Variants in UBP1 observed in about 807,000 individuals in gnomAD.
UBP1 encodes the protein upstream-binding protein 1.
Under a neutral mutation model 76.1 loss-of-function variants are expected in UBP1, and 22 were observed. That is an observed-to-expected ratio of 0.29 (90% CI 0.21 to 0.41). The LOEUF (loss-of-function observed/expected upper bound fraction) is 0.41. Among genes scored for constraint, UBP1 ranks in the 10% least tolerant of loss-of-function variants. The pLI is 1.00. For synonymous variants in UBP1, 224 were observed against 237.1 expected, an observed-to-expected ratio of 0.94 and a Z score of 0.51; for missense variants, 436 against 668.1, an observed-to-expected ratio of 0.65 and a Z score of 3.83.
At position 33,438,917 on chromosome 3, in the gene UBP1, C is replaced by G. The variant is rs138029084; in HGVS notation, c.113+819G>C. On this transcript the variant is annotated intron_variant, in intron 1 of 15. Coordinates refer to ENST00000283629, the MANE Select transcript of UBP1 (RefSeq NM_014517.5). ...TCACATTATTGAAAAGCTGCCAAACCACTGATTTTTAGACTTTATTAGTCA... is the reference window on the plus strand; with the variant it reads ...TCACATTATTGAAAAGCTGCCAAACGACTGATTTTTAGACTTTATTAGTCA... Among the ~76,000 whole-genome samples, 63 of 152,284 alleles carry G rather than the reference C, an allele frequency of 4.1e-4. No individual in the cohort carries two copies. In the East Asian group the frequency reaches 8.5e-3, roughly 21 times the overall value.
Position 33,390,051 on chromosome 3 carries a change from C to A in UBP1, c.*280G>T. 2.5e-6 allele frequency: 1 copy of A among 406,038 alleles called. No individual in the cohort carries two copies. Among genetic ancestry groups the A allele is most frequent in the Non-Finnish European group, 4.4e-6 (1 of 225,918 alleles). The allele number at this position is 406,038 out of a possible 1,614,324, so 25.2% of individuals were successfully genotyped here. On this transcript the variant is annotated 3_prime_UTR_variant, in exon 16 of 16. Transcript: ENST00000283629. ...AGGCTGCTTCTAGGAACTGTATTTACTGGCCTCTGCCAGAGCAGCAGGCAG... is the reference window on the plus strand; with the variant it reads ...AGGCTGCTTCTAGGAACTGTATTTAATGGCCTCTGCCAGAGCAGCAGGCAG...
intron 3 of UBP1, among the ~76,000 whole-genome samples, chr3:33,416,264 G>A (rs1272769306): frequency 6.6e-6 from 1 of 152,148 alleles, no homozygotes; most frequent in African/African-American, 2.4e-5. Flanking sequence ...GGCTAGGAGG[G>A]GCCAGGGGGC....
chr3:33,421,766 C>T (rs984438544), intron 2 of UBP1, among the ~76,000 whole-genome samples: 9 of 152,142 alleles, frequency 5.9e-5, no homozygotes, highest in Admixed American at 2.0e-4. Flanking sequence ...ATGACCATTT[C>T]GGCTGGGAGT....
At chr3:33,440,964 G>A (rs1049643662), upstream of UBP1, 2 of 152,218 alleles carry the variant, frequency 1.3e-5, no homozygotes, top group Admixed American at 1.3e-4. Flanking sequence ...ACCTTGATTG[G>A]CGTGAGAATA....
intron 2 of UBP1, among the ~76,000 whole-genome samples, chr3:33,423,387 A>G (rs1205677449): frequency 6.6e-6 from 1 of 152,242 alleles, no homozygotes; most frequent in Non-Finnish European, 1.5e-5. Flanking sequence ...ACATGTCTAC[A>G]TATACAGTTC....
intron 14 of UBP1, 30 bp from the exon 15 acceptor site, chr3:33,392,644 A>G (rs1310401908): frequency 6.4e-7 from 1 of 1,573,424 alleles, no homozygotes; most frequent in Non-Finnish European, 8.7e-7. Context: ...GCGTAAGTAC[A>G]ATTAAGATCC....
chr3:33,407,826 G>C (rs935668438), intron 8 of UBP1, among the ~76,000 whole-genome samples: 2 of 152,204 alleles, frequency 1.3e-5, no homozygotes, highest in Non-Finnish European at 2.9e-5. Flanking sequence ...GAATACATAT[G>C]ATGACAATTA....
rs2044199424 is a variant in UBP1 at position 33,400,837 on chromosome 3, G to GC, written c.1086+124_1086+125insG. Reference sequence around the variant, plus strand: ...ATGGACACCCAAAATATCCTGACTCGATTACCACACATTACCATACATGTA... The same window carrying GC: ...ATGGACACCCAAAATATCCTGACTCGCATTACCACACATTACCATACATGTA... On this transcript the variant is annotated intron_variant, in intron 10 of 15. Transcript: ENST00000283629. 9 of 900,030 alleles carry GC rather than the reference G, an allele frequency of 1.0e-5. No individual in the cohort carries two copies. In the South Asian group the frequency reaches 1.3e-4, roughly 13 times the overall value. 55.8% of individuals were successfully genotyped at this position (900,030 alleles called of 1,614,324 possible).
At chr3:33,395,591 G>C (rs1236157389) in intron 13 of UBP1, among the ~76,000 whole-genome samples, 1 of 151,824 alleles carries the variant, frequency 6.6e-6, no homozygotes, top group Non-Finnish European at 1.5e-5. Context: ...ATTATTTACA[G>C]TGACATAAAA....
rs1403781502 is a variant in UBP1 at position 33,396,218 on chromosome 3, T to C, written c.1334A>G (p.Gln445Arg). The change falls in exon 13 of 16, where the codon CAA (glutamine) becomes CGA (arginine). Residue 445 changes from glutamine (Q) to arginine (R), a missense_variant. By Grantham distance (43) the Gln-to-Arg change is conservative. Transcript: ENST00000283629. ...ACTGCTTGCAGCTTGCTGCTGCCCT[T>C]GCAGCACTGTGCTGCTTGGCTGCTC... ...CREQPSSTVLQGQQQAASSAS... is the reference protein window; with the variant it reads ...CREQPSSTVLRGQQQAASSAS... 1.1e-5 allele frequency: 18 copies of C among 1,595,494 alleles called. No homozygotes were observed. Among genetic ancestry groups the C allele is most frequent in the Non-Finnish European group, 1.4e-5 (16 of 1,165,114 alleles).
At chr3:33,406,151 A>G (rs2044414197) in intron 8 of UBP1, among the ~76,000 whole-genome samples, 1 of 152,218 alleles carries the variant, frequency 6.6e-6, no homozygotes. Context: ...TGGCACACAC[A>G]CACCTGTGGT....
At chr3:33,418,417 G>A (rs2044787118) in intron 2 of UBP1, among the ~76,000 whole-genome samples, 1 of 151,866 alleles carries the variant, frequency 6.6e-6, no homozygotes, top group African/African-American at 2.4e-5. Flanking sequence ...ACCACGCCCA[G>A]CTAATTTTTG....
chr3:33,393,146 G>A (rs2043835860), intron 14 of UBP1, 166 bp downstream of exon 14: 1 of 733,918 alleles, frequency 1.4e-6, no homozygotes, highest in Non-Finnish European at 2.0e-6. Context: ...TCACTAGGAT[G>A]CCTGAAACTC....
chr3:33,396,474 A>C, intron 12 of UBP1, 194 bp from the exon 13 acceptor site: 1 of 507,536 alleles, frequency 2.0e-6, no homozygotes, highest in Non-Finnish European at 3.5e-6. Flanking sequence ...GTGGTCTAAT[A>C]TGATGATCCA....
At chr3:33,395,007 A>G (rs1366830222) in intron 13 of UBP1, among the ~76,000 whole-genome samples, 1 of 152,172 alleles carries the variant, frequency 6.6e-6, no homozygotes. Flanking sequence ...ATGGGAAAAT[A>G]TCCAATATTT....
At chr3:33,410,549 A>G (rs2044554107) in intron 5 of UBP1, among the ~76,000 whole-genome samples, 1 of 152,252 alleles carries the variant, frequency 6.6e-6, no homozygotes, top group South Asian at 2.1e-4. Context: ...TTTACAGTTC[A>G]TGCAAAGCAT....
rs1575474659 is a variant in UBP1, at chr3:33,412,783, T to C, written c.387A>G (p.Thr129=). ...TCCATCCTTCAAGTTGCTGATGCTC[T>C]GTGTATTGTAGCCGTCTGTCATGGA... is the stretch of plus-strand genomic sequence containing the variant. ...VVFHDRRLQY[T]EHQQLEGWKW... Residue 129 remains threonine (T), a synonymous_variant, in exon 4 of 16, where the codon ACA becomes ACG. Transcript: ENST00000283629. The C allele has an allele frequency of 2.5e-6, 4 of 1,614,166 alleles. No individual in the cohort carries two copies. The East Asian group carries it at 8.9e-5, about 36-fold the overall frequency.
rs548512045 is a variant in UBP1, at chr3:33,424,619, T to TA, written c.265+970dup. Among the ~76,000 whole-genome samples, 11 of 152,350 alleles carry TA rather than the reference T, an allele frequency of 7.2e-5. No individual in the cohort carries two copies. In the East Asian group the frequency reaches 2.1e-3, roughly 29 times the overall value. On this transcript the variant is annotated intron_variant, in intron 2 of 15. Transcript: ENST00000283629. ...CAGTAAAAATGTTCAAAAAATTGTT[T>TA]AAAATCAGAATTCAACCTGCTTTCA...
intron 15 of UBP1, 188 bp from the exon 16 acceptor site, chr3:33,390,556 C>T (rs2043719477): frequency 1.6e-6 from 1 of 627,328 alleles, no homozygotes; most frequent in Non-Finnish European, 2.8e-6. Flanking sequence ...GTACACATTC[C>T]CTTTTTAGAC....
Sources: gnomAD v4.1 joint callset for allele counts (sites outside exome capture counted in the v4.1 genomes callset) on GRCh38, gnomAD v4.1.1 for gene constraint, MANE v1.5 for transcripts, NCBI Gene and HGNC (gene_info 2026-07-23, HGNC 2026-07-21) for gene names.